Variants in FGD5 observed in about 807,000 individuals in gnomAD.
FGD5 encodes FYVE, RhoGEF and PH domain containing 5.
A neutral mutation model predicts 133.4 loss-of-function variants in FGD5; 28 were observed. The ratio of observed to expected loss-of-function variants is 0.21; its 90% confidence interval spans 0.16 to 0.29. The LOEUF (loss-of-function observed/expected upper bound fraction) is 0.29. Ranked by LOEUF, FGD5 falls within the 10% of genes least tolerant of loss-of-function variation. FGD5 has a pLI of 1.00. For synonymous variants in FGD5, 810 were observed against 776.5 expected, an observed-to-expected ratio of 1.04 and a Z score of -0.72; for missense variants, 1,858 against 1,895.2, an observed-to-expected ratio of 0.98 and a Z score of 0.36.
chr3:14,836,968 G>A (rs1388135278), intron 1 of FGD5, among the ~76,000 whole-genome samples: 2 of 152,166 alleles, frequency 1.3e-5, no homozygotes, highest in Non-Finnish European at 2.9e-5. Context: ...GGGACAGTGG[G>A]GACCACATGC....
rs2036937650 is a variant in FGD5, at chr3:14,842,205, C to G, written c.2525+20609C>G. Among the ~76,000 whole-genome samples, 3 of 152,254 alleles carry G rather than the reference C, an allele frequency of 2.0e-5. No homozygotes were observed. In the South Asian group the frequency reaches 6.2e-4, roughly 31 times the overall value. On this transcript the variant is annotated intron_variant, in intron 1 of 19. Coordinates refer to ENST00000285046, the MANE Select transcript of FGD5 (RefSeq NM_152536.4). Reference sequence around the variant, plus strand: ...AAACCTCAGACCTCAGGACCACAGCCACGTCCCTTGCTCCCTCAACATGTG... The same window carrying G: ...AAACCTCAGACCTCAGGACCACAGCGACGTCCCTTGCTCCCTCAACATGTG...
chr3:14,867,116 AC>A (rs1233923570), intron 2 of FGD5, among the ~76,000 whole-genome samples: 1 of 152,226 alleles, frequency 6.6e-6, no homozygotes, highest in Non-Finnish European at 1.5e-5. Flanking sequence ...ATGCTCTACC[AC>A]GGAATATGTA....
chr3:14,912,765 G>A (rs1027613348), intron 11 of FGD5, among the ~76,000 whole-genome samples: 3 of 152,120 alleles, frequency 2.0e-5, no homozygotes, highest in Non-Finnish European at 4.4e-5. Flanking sequence ...GGCCAGGCAC[G>A]GTGGCTCTTG....
At chr3:14,877,901 A>G (rs886641034) in intron 2 of FGD5, among the ~76,000 whole-genome samples, 6 of 152,190 alleles carry the variant, frequency 3.9e-5, no homozygotes, top group Non-Finnish European at 8.8e-5. Context: ...AGTGGGTAGA[A>G]GCCAGGGATG....
chr3:14,897,579 AGG>A lies in FGD5; in HGVS notation c.2820_2821del (p.Glu941AlafsTer7), dbSNP rs1358019692. On this transcript the variant is annotated frameshift_variant, in exon 5 of 20. Coordinates refer to ENST00000285046, the MANE Select transcript of FGD5 (RefSeq NM_152536.4). LOFTEE classifies it high-confidence loss of function. Reference sequence around the variant, plus strand: ...GAAGGCAGAGACACATTGGCCCGGGAGGAGCTGAGGCAGGGCCTGAGTGAACT... The same window carrying A: ...GAAGGCAGAGACACATTGGCCCGGGAAGCTGAGGCAGGGCCTGAGTGAACT... 1 of 1,605,198 alleles carries A rather than the reference AGG, an allele frequency of 6.2e-7. No individual in the cohort carries two copies. Among genetic ancestry groups the A allele is most frequent in the Admixed American group, 1.7e-5 (1 of 58,776 alleles).
rs556083664 is a variant in FGD5 at position 14,833,493 on chromosome 3, T to C, written c.2525+11897T>C. ...AGACTTTCTCGCACTGAGAGATGTG[T>C]CCAGCAGGGTAGTCTTGTAAGGTAG... is the stretch of plus-strand genomic sequence containing the variant. On this transcript the variant is annotated intron_variant, in intron 1 of 19. Coordinates refer to ENST00000285046, the MANE Select transcript of FGD5 (RefSeq NM_152536.4). Among the ~76,000 whole-genome samples, 4 of 152,302 alleles carry C rather than the reference T, an allele frequency of 2.6e-5. No homozygotes were observed. The East Asian group carries it at 7.7e-4, about 29-fold the overall frequency.
chr3:14,812,004 GTGTGT>G (rs2036301981), intron 1 of FGD5, among the ~76,000 whole-genome samples: 3 of 48,764 alleles, frequency 6.2e-5, no homozygotes, highest in African/African-American at 4.6e-4. Flanking sequence ...TCCTGCTGGT[GTGTGT>G]GTGTGTGTGT....
chr3:14,882,222 T>G (rs1047672558), intron 4 of FGD5: 1 of 862,488 alleles, frequency 1.2e-6, no homozygotes, highest in African/African-American at 1.8e-5. Context: ...CTCTCTCCCT[T>G]ATTTCTGGGC....
intron 4 of FGD5, among the ~76,000 whole-genome samples, chr3:14,896,337 G>T (rs573032729): frequency 6.6e-6 from 1 of 152,016 alleles, no homozygotes; most frequent in Non-Finnish European, 1.5e-5. Context: ...AAGCAATCCC[G>T]AACAAAAAGA....
intron 4 of FGD5, among the ~76,000 whole-genome samples, chr3:14,892,706 G>T (rs2038053708): frequency 6.6e-6 from 1 of 151,890 alleles, no homozygotes; most frequent in South Asian, 2.1e-4. Flanking sequence ...GTAATCTCAG[G>T]TATTCAGAAG....
At chr3:14,844,217 A>AAAATATAT (rs1559477363) in intron 1 of FGD5, among the ~76,000 whole-genome samples, 4 of 20,380 alleles carry the variant, frequency 2.0e-4, no homozygotes, top group African/African-American at 4.1e-4. Flanking sequence ...AAAAAAAAAA[A>AAAATATAT]ATATATATAT....
chr3:14,864,298 C>T (rs771371745), intron 2 of FGD5, 38 bp downstream of exon 2: 22 of 1,612,890 alleles, frequency 1.4e-5, no homozygotes, highest in Middle Eastern at 3.3e-4. Flanking sequence ...GCATCGGAGA[C>T]GTGAGGGTGG....
At chr3:14,826,765 GTC>G (rs756662258) in intron 1 of FGD5, among the ~76,000 whole-genome samples, 6 of 152,076 alleles carry the variant, frequency 3.9e-5, no homozygotes, top group Non-Finnish European at 5.9e-5. Flanking sequence ...CTGTCTGTCT[GTC>G]TCTCTCACAC....
intron 12 of FGD5, 107 bp from the exon 13 acceptor site, chr3:14,918,647 C>A: frequency 9.1e-7 from 1 of 1,101,674 alleles, no homozygotes; most frequent in Non-Finnish European, 1.4e-6. Flanking sequence ...GGCTAGAGAA[C>A]GGCAGTAGGT....
At position 14,933,333 on chromosome 3, in the gene FGD5, C is replaced by T. The variant is rs1434737362; in HGVS notation, c.*166C>T. Reference sequence around the variant, plus strand: ...ACCACTCCCCTGCCCTTGCCAACATCTTCATGAATGGAATCCTTAAGGGAT... The same window carrying T: ...ACCACTCCCCTGCCCTTGCCAACATTTTCATGAATGGAATCCTTAAGGGAT... On this transcript the variant is annotated 3_prime_UTR_variant, in exon 20 of 20. Coordinates refer to ENST00000285046, the MANE Select transcript of FGD5 (RefSeq NM_152536.4). 2.8e-6 allele frequency: 2 copies of T among 702,050 alleles called. No individual in the cohort carries two copies. Among genetic ancestry groups the T allele is most frequent in the African/African-American group, 1.8e-5 (1 of 56,702 alleles). 43.5% of individuals were successfully genotyped at this position (702,050 alleles called of 1,614,324 possible).
chr3:14,813,662 C>G (rs575094434), intron 1 of FGD5, among the ~76,000 whole-genome samples: 2 of 152,208 alleles, frequency 1.3e-5, no homozygotes, highest in East Asian at 1.9e-4. Flanking sequence ...TGGTCCCGTC[C>G]CCTCACTCTG....
intron 1 of FGD5, among the ~76,000 whole-genome samples, chr3:14,842,687 A>T (rs1284220570): frequency 2.0e-5 from 3 of 152,104 alleles, no homozygotes; most frequent in African/African-American, 7.2e-5. Flanking sequence ...TCCTTCTCGG[A>T]TAGCTTTTGG....
upstream of FGD5, among the ~76,000 whole-genome samples, chr3:14,817,672 C>T (rs947168459): frequency 2.6e-5 from 4 of 152,144 alleles, no homozygotes; most frequent in African/African-American, 7.2e-5. Context: ...AGAGATCTCC[C>T]GGCAGTCTGC....
At chr3:14,811,198 A>C (rs1222334423) in intron 1 of FGD5, among the ~76,000 whole-genome samples, 4 of 152,088 alleles carry the variant, frequency 2.6e-5, no homozygotes, top group African/African-American at 7.2e-5. Flanking sequence ...CCCTTTCGCA[A>C]AAGCGACTTC....
Sources: allele counts gnomAD v4.1 joint callset (sites outside exome capture counted in the v4.1 genomes callset), GRCh38; gene constraint gnomAD v4.1.1; transcripts MANE v1.5; gene names NCBI Gene and HGNC (gene_info 2026-07-23, HGNC 2026-07-21).